Variants in ARHGAP42 observed in about 807,000 individuals in gnomAD.
ARHGAP42 encodes the protein rho GTPase-activating protein 42.
A neutral mutation model predicts 125.0 loss-of-function variants in ARHGAP42; 63 were observed. That is an observed-to-expected ratio of 0.50 (90% CI 0.41 to 0.62). The LOEUF is 0.62. Ranked by LOEUF, ARHGAP42 falls within the 20% of genes least tolerant of loss-of-function variation. The probability of loss-of-function intolerance (pLI) is 0.00; values close to 1 mark genes in which losing one functional copy is unlikely to be tolerated. For missense variants in ARHGAP42, 766 were observed against 1,024.2 expected, an observed-to-expected ratio of 0.75 and a Z score of 3.44; for synonymous variants, 339 against 351.0, an observed-to-expected ratio of 0.97 and a Z score of 0.38.
chr11:100,972,484 CACCCA>C (rs1858273705), intron 17 of ARHGAP42, among the ~76,000 whole-genome samples: 1 of 151,868 alleles, frequency 6.6e-6, no homozygotes, highest in African/African-American at 2.4e-5. Flanking sequence ...CCTAGCACAG[CACCCA>C]ATACTAGGGA....
chr11:100,783,988 C>T (rs1050696279), intron 2 of ARHGAP42, among the ~76,000 whole-genome samples: 2 of 151,930 alleles, frequency 1.3e-5, no homozygotes, highest in African/African-American at 4.8e-5. Context: ...GAGAATGTGC[C>T]CAGTGCTTTA....
intron 10 of ARHGAP42, among the ~76,000 whole-genome samples, chr11:100,947,391 A>C (rs1346098699): frequency 6.6e-6 from 1 of 151,892 alleles, no homozygotes; most frequent in Non-Finnish European, 1.5e-5. Flanking sequence ...CAACATGTTA[A>C]TGCTTTGTCT....
At chr11:100,795,688 G>A (rs1182750845) in intron 3 of ARHGAP42, among the ~76,000 whole-genome samples, 1 of 152,114 alleles carries the variant, frequency 6.6e-6, no homozygotes, top group Non-Finnish European at 1.5e-5. Flanking sequence ...CATAGTTATT[G>A]GTGAAACACT....
At chr11:100,776,159 C>CAAA in intron 2 of ARHGAP42, among the ~76,000 whole-genome samples, 1 of 144,694 alleles carries the variant, frequency 6.9e-6, no homozygotes, top group African/African-American at 2.5e-5. Flanking sequence ...AACTCCATTT[C>CAAA]AAAAAAAAAA....
At chr11:100,689,072 A>G (rs1861141750) in intron 1 of ARHGAP42, among the ~76,000 whole-genome samples, 1 of 152,226 alleles carries the variant, frequency 6.6e-6, no homozygotes, top group Admixed American at 6.5e-5. Flanking sequence ...GTGCTCCAAA[A>G]TATCTTTTAA....
At chr11:100,821,591 GC>G (rs1184287284) in intron 3 of ARHGAP42, among the ~76,000 whole-genome samples, 8 of 145,524 alleles carry the variant, frequency 5.5e-5, no homozygotes, top group Admixed American at 6.9e-5. Context: ...CCTCCCCTTA[GC>G]CTACCCTACT....
chr11:100,944,327 TC>T (rs1867960954), intron 10 of ARHGAP42, among the ~76,000 whole-genome samples: 1 of 152,116 alleles, frequency 6.6e-6, no homozygotes, highest in Non-Finnish European at 1.5e-5. Context: ...AAAGCACTGT[TC>T]CGGGTATTCT....
chr11:100,702,097 C>A (rs1861407316), intron 1 of ARHGAP42, among the ~76,000 whole-genome samples: 1 of 150,252 alleles, frequency 6.7e-6, no homozygotes, highest in African/African-American at 2.5e-5. Flanking sequence ...CCAGCCTGGT[C>A]AACATAGCAA....
chr11:100,750,657 C>T (rs1380577051), intron 1 of ARHGAP42, among the ~76,000 whole-genome samples: 6 of 150,042 alleles, frequency 4.0e-5, no homozygotes, highest in Non-Finnish European at 3.0e-5. Context: ...AGTGGTTTGG[C>T]GGGAAAAATG....
At chr11:100,880,713 G>A (rs576691939) in intron 4 of ARHGAP42, among the ~76,000 whole-genome samples, 1 of 152,298 alleles carries the variant, frequency 6.6e-6, no homozygotes, top group African/African-American at 2.4e-5. Flanking sequence ...CATCCCACCA[G>A]CAGTGTAGAA....
intron 6 of ARHGAP42, among the ~76,000 whole-genome samples, chr11:100,931,910 T>C (rs2135258951): frequency 6.6e-6 from 1 of 152,314 alleles, no homozygotes; most frequent in African/African-American, 2.4e-5. Flanking sequence ...TTAGGTTTGA[T>C]AATAAGTATT....
intron 3 of ARHGAP42, among the ~76,000 whole-genome samples, chr11:100,807,295 A>G (rs1264270094): frequency 2.0e-5 from 3 of 151,872 alleles, no homozygotes; most frequent in Non-Finnish European, 4.4e-5. Flanking sequence ...CCCCAGGTTC[A>G]AGAGATTCTC....
intron 2 of ARHGAP42, among the ~76,000 whole-genome samples, chr11:100,790,398 A>G (rs1863537849): frequency 6.6e-6 from 1 of 152,188 alleles, no homozygotes; most frequent in African/African-American, 2.4e-5. Flanking sequence ...AGATAAAAGG[A>G]AACCAATGGT....
chr11:100,885,310 G>C (rs887442694), intron 4 of ARHGAP42, among the ~76,000 whole-genome samples: 2 of 152,198 alleles, frequency 1.3e-5, no homozygotes, highest in African/African-American at 2.4e-5. Flanking sequence ...AGGGAACTAA[G>C]TGTATTGGTT....
intron 11 of ARHGAP42, 43 bp from the exon 12 acceptor site, chr11:100,949,874 G>T (rs1431397830): frequency 1.3e-5 from 17 of 1,310,968 alleles, no homozygotes; most frequent in African/African-American, 3.0e-5. Flanking sequence ...TTTGTGCTGG[G>T]TCATTAACTG....
intron 4 of ARHGAP42, among the ~76,000 whole-genome samples, chr11:100,884,489 A>G (rs1334381018): frequency 6.6e-6 from 1 of 152,190 alleles, no homozygotes; most frequent in African/African-American, 2.4e-5. Flanking sequence ...CTGTAAATCT[A>G]GTAAACTCAA....
intron 3 of ARHGAP42, among the ~76,000 whole-genome samples, chr11:100,844,933 A>G (rs189374520): frequency 2.6e-5 from 4 of 152,258 alleles, no homozygotes; most frequent in Non-Finnish European, 5.9e-5. Flanking sequence ...CAATCCCACT[A>G]CTGGGTATCT....
At chr11:100,796,873 G>A (rs147336555) in intron 3 of ARHGAP42, among the ~76,000 whole-genome samples, 11 of 150,322 alleles carry the variant, frequency 7.3e-5, no homozygotes, top group Admixed American at 2.0e-4. Context: ...GGGTTCAAGC[G>A]ATTCTCCTGC....
chr11:100,770,327 T>G lies in ARHGAP42; in HGVS notation c.155-16T>G, dbSNP rs2134988933. ...AACCTCACCTTATGGATTTTTTGCT[T>G]AACTTTTACTTGCAGATCTGTCTAT... On this transcript the variant is annotated splice_polypyrimidine_tract_variant and intron_variant, in intron 1 of 23. Transcript: ENST00000298815. 6.6e-7 allele frequency: 1 copy of G among 1,525,248 alleles called. No individual in the cohort carries two copies. Among genetic ancestry groups the G allele is most frequent in the East Asian group, 2.5e-5 (1 of 40,558 alleles). 94.5% of individuals were successfully genotyped at this position (1,525,248 alleles called of 1,614,324 possible). A position where few individuals can be genotyped will look rare whatever the true frequency, so the allele number is the denominator to read the frequency against.
Sources: allele counts gnomAD v4.1 joint callset (sites outside exome capture counted in the v4.1 genomes callset), GRCh38; gene constraint gnomAD v4.1.1; transcripts MANE v1.5; gene names NCBI Gene and HGNC (gene_info 2026-07-23, HGNC 2026-07-21).